Variants in MYRIP observed in about 807,000 individuals in gnomAD.
MYRIP encodes the protein myosin VIIA and Rab interacting protein.
A neutral mutation model predicts 98.0 loss-of-function variants in MYRIP; 49 were observed. That is an observed-to-expected ratio of 0.50 (90% CI 0.40 to 0.63). MYRIP has a LOEUF of 0.63. Ranked by LOEUF, MYRIP falls within the 30% of genes least tolerant of loss-of-function variation. The pLI, the probability that MYRIP is intolerant of heterozygous loss-of-function variation, is 0.00. For missense variants in MYRIP, 1,004 were observed against 1,058.2 expected, an observed-to-expected ratio of 0.95 and a Z score of 0.71; for synonymous variants, 404 against 409.5, an observed-to-expected ratio of 0.99 and a Z score of 0.16.
intron 3 of MYRIP, among the ~76,000 whole-genome samples, chr3:40,050,331 C>T (rs1947765541): frequency 6.6e-6 from 1 of 152,212 alleles, no homozygotes; most frequent in East Asian, 1.9e-4. Flanking sequence ...TATCCTAGGT[C>T]CCTTAAAAGG....
intron 1 of MYRIP, among the ~76,000 whole-genome samples, chr3:39,872,173 A>G (rs539502840): frequency 3.3e-5 from 5 of 152,214 alleles, no homozygotes; most frequent in Admixed American, 1.3e-4. Flanking sequence ...TTCTGATTAT[A>G]AAGTTAATGA....
At chr3:40,114,206 A>G (rs1236906579) in intron 3 of MYRIP, among the ~76,000 whole-genome samples, 1 of 152,206 alleles carries the variant, frequency 6.6e-6, no homozygotes, top group African/African-American at 2.4e-5. Context: ...TTTCTACTGT[A>G]CCTTTTCTAT....
intron 1 of MYRIP, among the ~76,000 whole-genome samples, chr3:39,832,333 T>C (rs1000558443): frequency 6.6e-6 from 1 of 152,182 alleles, no homozygotes; most frequent in African/African-American, 2.4e-5. Context: ...CTTCCTTTCT[T>C]CCTATTAGAA....
intron 1 of MYRIP, among the ~76,000 whole-genome samples, chr3:39,853,570 A>G (rs1444628289): frequency 6.6e-6 from 1 of 152,018 alleles, no homozygotes; most frequent in Non-Finnish European, 1.5e-5. Flanking sequence ...AGAAATGGCT[A>G]TTCATGTCCT....
At chr3:40,072,345 A>G (rs1948249483) in intron 3 of MYRIP, among the ~76,000 whole-genome samples, 1 of 151,968 alleles carries the variant, frequency 6.6e-6, no homozygotes, top group African/African-American at 2.4e-5. Flanking sequence ...AGTAGCTGGG[A>G]ATATAGGCGC....
At chr3:39,829,803 A>C (rs1228149312) in intron 1 of MYRIP, among the ~76,000 whole-genome samples, 2 of 152,088 alleles carry the variant, frequency 1.3e-5, no homozygotes, top group South Asian at 2.1e-4. Flanking sequence ...GTATTGTAAT[A>C]TTTGCTTTAT....
intron 1 of MYRIP, among the ~76,000 whole-genome samples, chr3:39,815,399 A>G (rs948660079): frequency 1.1e-4 from 16 of 151,532 alleles, no homozygotes; most frequent in Admixed American, 2.6e-4. Context: ...CATCATATAT[A>G]TGTGTGTGTG....
At chr3:39,950,643 G>GC (rs1304143472) in intron 2 of MYRIP, among the ~76,000 whole-genome samples, 7 of 152,120 alleles carry the variant, frequency 4.6e-5, no homozygotes, top group African/African-American at 1.7e-4. Context: ...TTTATCCTGA[G>GC]CTTCTTCACA....
At chr3:40,119,523 TGTG>T (rs772022373) in intron 3 of MYRIP, among the ~76,000 whole-genome samples, 6 of 152,154 alleles carry the variant, frequency 3.9e-5, no homozygotes, top group Non-Finnish European at 5.9e-5. Context: ...GAACTGGAGG[TGTG>T]GTGAACACAG....
At chr3:40,206,648 C>T (rs1456288855) in intron 10 of MYRIP, among the ~76,000 whole-genome samples, 5 of 152,130 alleles carry the variant, frequency 3.3e-5, no homozygotes, top group African/African-American at 9.7e-5. Flanking sequence ...CAGTGTGTTA[C>T]AATTGTCTGG....
chr3:39,857,958 A>G (rs375432126), intron 1 of MYRIP, among the ~76,000 whole-genome samples: 15 of 152,192 alleles, frequency 9.9e-5, no homozygotes, highest in African/African-American at 3.6e-4. Context: ...AAAGGCATGC[A>G]GCAAAAGAGA....
chr3:39,880,396 T>C (rs928873447), intron 1 of MYRIP, among the ~76,000 whole-genome samples: 32 of 152,230 alleles, frequency 2.1e-4, no homozygotes, highest in Non-Finnish European at 3.4e-4. Context: ...TTTTAAACTT[T>C]GTTGATGTTG....
chr3:40,252,141 C>A, intron 16 of MYRIP, 142 bp downstream of exon 16: 2 of 666,208 alleles, frequency 3.0e-6, no homozygotes, highest in Non-Finnish European at 5.1e-6. Context: ...TTGGATTTGA[C>A]TGGGGGGTGG....
At position 40,204,171 on chromosome 3, in the gene MYRIP, T is replaced by A. The variant is rs1277748989; in HGVS notation, c.1666-5683T>A. Among the ~76,000 whole-genome samples, 9 of 34,876 alleles carry A rather than the reference T, an allele frequency of 2.6e-4. 1 individual carries two copies. Among genetic ancestry groups the A allele is most frequent in the East Asian group, 1.3e-3 (2 of 1,566 alleles). 22.9% of individuals were successfully genotyped at this position (34,876 alleles called of 152,430 possible). A position where few individuals can be genotyped will look rare whatever the true frequency, so the allele number is the denominator to read the frequency against. On this transcript the variant is annotated intron_variant, in intron 10 of 16. Transcript: ENST00000302541. ...ATATATAAATATATAATATAATATTTATATATTATATAATATATAAATATT... is the reference window on the plus strand; with the variant it reads ...ATATATAAATATATAATATAATATTAATATATTATATAATATATAAATATT...
At chr3:39,873,203 C>T (rs541919412) in intron 1 of MYRIP, among the ~76,000 whole-genome samples, 1 of 151,664 alleles carries the variant, frequency 6.6e-6, no homozygotes, top group Non-Finnish European at 1.5e-5. Context: ...TTTTCTTGTA[C>T]ATTTGTTTGT....
chr3:39,823,008 T>G lies in MYRIP; in HGVS notation c.-31+13092T>G, dbSNP rs560110074. 8.0e-5 allele frequency among the ~76,000 whole-genome samples: 12 copies of G among 150,384 alleles called. No individual in the cohort carries two copies. In the South Asian group the frequency reaches 8.4e-4, roughly 11 times the overall value. On this transcript the variant is annotated intron_variant, in intron 1 of 16. Transcript: ENST00000302541. ...ATGGGAGTGCAGATGGCTTTGCTTT[T>G]CTTTTCTTCCTTTTTTTTTTTTTTT...
chr3:40,241,382 C>T (rs1442269822), intron 12 of MYRIP, among the ~76,000 whole-genome samples: 1 of 152,194 alleles, frequency 6.6e-6, no homozygotes, highest in Non-Finnish European at 1.5e-5. Context: ...GGATGTAGCA[C>T]TAGAACTTGT....
intron 3 of MYRIP, among the ~76,000 whole-genome samples, chr3:40,071,727 G>A (rs1225772733): frequency 6.6e-6 from 1 of 152,104 alleles, no homozygotes. Context: ...CCCACTTGGT[G>A]CCTCATTTTC....
At chr3:40,007,085 G>A (rs193014565) in intron 2 of MYRIP, among the ~76,000 whole-genome samples, 39 of 152,322 alleles carry the variant, frequency 2.6e-4, no homozygotes, top group Non-Finnish European at 8.8e-5. Flanking sequence ...TCTTTACTTG[G>A]AGAAATAACT....
Sources: allele counts gnomAD v4.1 joint callset (sites outside exome capture counted in the v4.1 genomes callset), GRCh38; gene constraint gnomAD v4.1.1; transcripts MANE v1.5; gene names NCBI Gene and HGNC (gene_info 2026-07-23, HGNC 2026-07-21).